Variants in SH3GL3 observed in about 807,000 individuals in gnomAD.
The protein encoded by SH3GL3 is endophilin-A3.
SH3GL3 carries 33 observed loss-of-function variants against 47.7 expected under a neutral mutation model. The ratio of observed to expected loss-of-function variants is 0.69; its 90% CI spans 0.52 to 0.92. The LOEUF (loss-of-function observed/expected upper bound fraction) is 0.92. Ranked by LOEUF, SH3GL3 falls within the 40% of genes least tolerant of loss-of-function variation. The pLI, the probability that SH3GL3 is intolerant of heterozygous loss-of-function variation, is 0.00. For missense variants in SH3GL3, 363 were observed against 417.8 expected, an observed-to-expected ratio of 0.87 and a Z score of 1.14; for synonymous variants, 155 against 148.8, an observed-to-expected ratio of 1.04 and a Z score of -0.30.
intron 2 of SH3GL3, among the ~76,000 whole-genome samples, chr15:83,561,067 ATAGAT>A (rs2045244762): frequency 1.3e-5 from 2 of 152,182 alleles, no homozygotes; most frequent in African/African-American, 2.4e-5. Flanking sequence ...TCATAAAATA[ATAGAT>A]TAAACTGACA....
rs1453128456 is a variant in SH3GL3 at position 83,498,226 on chromosome 15, A to G, written c.45+50648A>G. On this transcript the variant is annotated intron_variant, in intron 1 of 8. Coordinates refer to ENST00000427482, the MANE Select transcript of SH3GL3 (RefSeq NM_003027.5). ...CCATCCAAACATTTTCATCACTCCAATTTACTAGAAACTATAAAACCAGCC... is the reference window on the plus strand; with the variant it reads ...CCATCCAAACATTTTCATCACTCCAGTTTACTAGAAACTATAAAACCAGCC... 3.3e-5 allele frequency among the ~76,000 whole-genome samples: 5 copies of G among 152,234 alleles called. No homozygotes were observed. In the East Asian group the frequency reaches 7.7e-4, roughly 24 times the overall value.
the SH3GL3 span, among the ~76,000 whole-genome samples, chr15:83,627,391 C>T: frequency 4.4e-5 from 6 of 135,450 alleles, no homozygotes; most frequent in Admixed American, 2.5e-4. Context: ...AGCAAGATGC[C>T]GTCTCAAAAA....
rs1567303335 is a variant in SH3GL3, at chr15:83,526,453, GTACA to G, written c.46-32792_46-32789del. 5.9e-5 allele frequency among the ~76,000 whole-genome samples: 9 copies of G among 152,070 alleles called. No individual in the cohort carries two copies. In the South Asian group the frequency reaches 1.9e-3, roughly 32 times the overall value. ...TGCTAGATTGAATAAAGAAAATGTG[GTACA>G]TACATACCACGGAATACAATGCAGC... is the stretch of plus-strand genomic sequence containing the variant. On this transcript the variant is annotated intron_variant, in intron 1 of 8. Coordinates refer to ENST00000427482, the MANE Select transcript of SH3GL3 (RefSeq NM_003027.5).
chr15:83,577,058 G>A (rs1013406412), intron 6 of SH3GL3, among the ~76,000 whole-genome samples: 4 of 151,076 alleles, frequency 2.6e-5, no homozygotes, highest in Non-Finnish European at 5.9e-5. Context: ...TTACAGCCAC[G>A]CACCACCACA....
intron 1 of SH3GL3, among the ~76,000 whole-genome samples, chr15:83,528,838 A>T (rs1567305617): frequency 6.6e-6 from 1 of 151,930 alleles, no homozygotes; most frequent in Non-Finnish European, 1.5e-5. Flanking sequence ...CTAGAAAACT[A>T]TTGTGTTCCT....
chr15:83,559,838 A>C (rs991507127), intron 2 of SH3GL3, among the ~76,000 whole-genome samples: 7 of 152,236 alleles, frequency 4.6e-5, no homozygotes, highest in African/African-American at 1.7e-4. Context: ...TACAGAGATG[A>C]CAAGTGTGCC....
intron 8 of SH3GL3, among the ~76,000 whole-genome samples, chr15:83,612,747 A>G (rs1038512661): frequency 1.3e-5 from 2 of 152,082 alleles, no homozygotes; most frequent in Non-Finnish European, 2.9e-5. Flanking sequence ...AAGAGCTTGT[A>G]TCTCTTCTCT....
chr15:83,561,262 A>C (rs1248197040), intron 2 of SH3GL3, among the ~76,000 whole-genome samples: 1 of 152,168 alleles, frequency 6.6e-6, no homozygotes, highest in Non-Finnish European at 1.5e-5. Flanking sequence ...TAAATTTCCC[A>C]AAGTGATTCC....
chr15:83,593,445 A>T (rs925408202), intron 8 of SH3GL3, among the ~76,000 whole-genome samples: 1 of 152,186 alleles, frequency 6.6e-6, no homozygotes, highest in African/African-American at 2.4e-5. Flanking sequence ...TAAGTATTTT[A>T]TATCTTTATG....
At chr15:83,516,521 G>A (rs1289190869) in intron 1 of SH3GL3, among the ~76,000 whole-genome samples, 2 of 152,160 alleles carry the variant, frequency 1.3e-5, no homozygotes, top group Non-Finnish European at 2.9e-5. Flanking sequence ...GAAGCATGGT[G>A]CTGGCATTTG....
At chr15:83,607,463 T>C (rs1295283383) in intron 8 of SH3GL3, among the ~76,000 whole-genome samples, 2 of 152,004 alleles carry the variant, frequency 1.3e-5, no homozygotes, top group African/African-American at 2.4e-5. Flanking sequence ...TGTAAGAAAA[T>C]AGTGCAAGGC....
chr15:83,530,116 G>A lies in SH3GL3; in HGVS notation c.46-29137G>A, dbSNP rs2043601284. Among the ~76,000 whole-genome samples the A allele has an allele frequency of 2.6e-5, 4 of 152,268 alleles. No homozygotes were observed. The South Asian group carries it at 6.2e-4, about 24-fold the overall frequency. On this transcript the variant is annotated intron_variant, in intron 1 of 8. Transcript: ENST00000427482. The stretch of plus-strand genomic sequence containing the variant: ...GCTTCAGGGATGTCGAGATGCAGGG[G>A]CTATGGCATCCCAGGGCAGGATGCC...
intron 1 of SH3GL3, among the ~76,000 whole-genome samples, chr15:83,482,336 A>T (rs993941133): frequency 2.4e-4 from 37 of 152,140 alleles, no homozygotes; most frequent in African/African-American, 8.7e-4. Context: ...GTCACAAATT[A>T]AATCCATTTT....
At chr15:83,480,628 AAAG>A (rs1466275371) in intron 1 of SH3GL3, among the ~76,000 whole-genome samples, 2 of 152,218 alleles carry the variant, frequency 1.3e-5, no homozygotes, top group Non-Finnish European at 2.9e-5. Flanking sequence ...GAGTCAACCA[AAAG>A]AAGGTCAGAA....
At chr15:83,494,238 G>A (rs560187843) in intron 1 of SH3GL3, among the ~76,000 whole-genome samples, 1 of 152,314 alleles carries the variant, frequency 6.6e-6, no homozygotes, top group South Asian at 2.1e-4. Flanking sequence ...AGCCACTGGA[G>A]GGAATGAGCC....
In SH3GL3 at chr15:83,576,684, A is replaced by C; in HGVS notation, c.567A>C (p.Lys189Asn). The C allele has an allele frequency of 6.2e-7, 1 of 1,613,894 alleles. No individual in the cohort carries two copies. Among genetic ancestry groups the C allele is most frequent in the South Asian group, 1.1e-5 (1 of 91,076 alleles). The change falls in exon 6 of 9, where the codon AAA (lysine) becomes AAC (asparagine). Residue 189 changes from lysine (K) to asparagine (N), a missense_variant. Lys to Asn is a moderately conservative substitution (Grantham distance 94, BLOSUM62 0). Coordinates refer to ENST00000427482, the MANE Select transcript of SH3GL3 (RefSeq NM_003027.5). ...AAGAAGTCAGACAAGCGGTAGAAAA[A>C]TTTGAAGAGTCAAAGGAGTTGGCTG... ...PDEEVRQAVE[K>N]FEESKELAER...
intron 6 of SH3GL3, among the ~76,000 whole-genome samples, chr15:83,582,713 A>G (rs1394767468): frequency 6.6e-6 from 1 of 152,234 alleles, no homozygotes; most frequent in Non-Finnish European, 1.5e-5. Context: ...ACTTGTAGAA[A>G]GCATACCCAG....
At chr15:83,556,780 G>T (rs2044981741) in intron 1 of SH3GL3, among the ~76,000 whole-genome samples, 1 of 152,190 alleles carries the variant, frequency 6.6e-6, no homozygotes, top group South Asian at 2.1e-4. Flanking sequence ...AGCAATTTGG[G>T]CTGGGAGCAC....
chr15:83,619,916 T>A (rs1433163470), downstream of SH3GL3, among the ~76,000 whole-genome samples: 3 of 152,242 alleles, frequency 2.0e-5, no homozygotes, highest in Non-Finnish European at 4.4e-5. Context: ...TCTTTCAAAA[T>A]TTGAGTCAGT....
Sources: allele counts gnomAD v4.1 joint callset (sites outside exome capture counted in the v4.1 genomes callset), GRCh38; gene constraint gnomAD v4.1.1; transcripts MANE v1.5; gene names NCBI Gene and HGNC (gene_info 2026-07-23, HGNC 2026-07-21).